CELF2: variants seen among roughly 807,000 people sequenced by gnomAD.
The protein encoded by CELF2 is CUG triplet repeat RNA-binding protein 2.
CELF2 carries 8 observed loss-of-function variants against 62.6 expected under a neutral mutation model. The observed-to-expected ratio is 0.13, with a 90% CI of 0.07 to 0.23. The LOEUF is 0.23. Among genes scored for constraint, CELF2 ranks in the 10% least tolerant of loss-of-function variants. CELF2 has a pLI of 1.00. For missense variants in CELF2, 333 were observed against 671.0 expected (o/e 0.50, Z 5.56); for synonymous variants, 258 against 250.0 (o/e 1.03, Z -0.30).
chr10:10,959,562 C>T (rs545305534), intron 2 of CELF2, among the ~76,000 whole-genome samples: 14 of 152,286 alleles, frequency 9.2e-5, no homozygotes, highest in Admixed American at 4.6e-4. Flanking sequence ...GTGACTTGTC[C>T]ACCATGGAAA....
chr10:11,021,459 A>G (rs1407517055), intron 1 of CELF2, among the ~76,000 whole-genome samples: 1 of 152,216 alleles, frequency 6.6e-6, no homozygotes, highest in Non-Finnish European at 1.5e-5. Context: ...GTTAAAGCTG[A>G]AAAGGGCTTT....
Position 11,260,872 on chromosome 10 carries a change from TCTTTCATGCTACCATTTTG to T in CELF2, c.538+3008_538+3026del, listed in dbSNP as rs1158997119. Among the ~76,000 whole-genome samples the T allele has an allele frequency of 6.6e-6, 1 of 152,228 alleles. No individual in the cohort carries two copies. The highest frequency in any genetic ancestry group is 1.9e-4 in the East Asian group (1 of 5,204). On this transcript the variant is annotated intron_variant, in intron 5 of 12. Transcript: ENST00000633077. This position sits in a 1 kb window ranked among gnomAD's most constrained non-coding sequence, Gnocchi z 4.2. Reference sequence around the variant, plus strand: ...AGTGTATTTGTTAAAAGCACAATTCTCTTTCATGCTACCATTTTGCTTTCATTAAAGAATTGCAGTTTTG... The same window carrying T: ...AGTGTATTTGTTAAAAGCACAATTCTCTTTCATTAAAGAATTGCAGTTTTG...
At chr10:10,651,386 G>C in the CELF2 span, among the ~76,000 whole-genome samples, 4 of 147,394 alleles carry the variant, frequency 2.7e-5, no homozygotes, top group Admixed American at 1.4e-4. Flanking sequence ...AAGGAGGCCT[G>C]CCTGCCTCTG....
At chr10:10,807,747 A>G (rs1019174198) in intron 1 of CELF2, among the ~76,000 whole-genome samples, 1 of 152,240 alleles carries the variant, frequency 6.6e-6, no homozygotes, top group Non-Finnish European at 1.5e-5. Context: ...ATAAAACATA[A>G]TAATCATTCC....
chr10:11,077,540 G>A (rs1439783844), intron 1 of CELF2, among the ~76,000 whole-genome samples: 1 of 152,178 alleles, frequency 6.6e-6, no homozygotes, highest in African/African-American at 2.4e-5. Context: ...AGCCTTGAAT[G>A]TGTATGCTTT....
At chr10:11,061,350 AG>A (rs2066679978) in intron 1 of CELF2, among the ~76,000 whole-genome samples, 1 of 152,234 alleles carries the variant, frequency 6.6e-6, no homozygotes. Flanking sequence ...GAGAGAGGTG[AG>A]GAAGCTGCAG....
intron 1 of CELF2, among the ~76,000 whole-genome samples, chr10:10,888,921 G>A (rs996074706): frequency 2.6e-5 from 4 of 152,154 alleles, no homozygotes; most frequent in Non-Finnish European, 5.9e-5. Context: ...CGGGGACCAT[G>A]TCACTCTTAT....
chr10:11,021,371 G>C (rs968013749), intron 1 of CELF2, among the ~76,000 whole-genome samples: 2 of 152,130 alleles, frequency 1.3e-5, no homozygotes, highest in African/African-American at 4.8e-5. Context: ...TTTTTGTTAA[G>C]TCCTTTCAAG....
At chr10:10,711,358 G>C in the CELF2 span, among the ~76,000 whole-genome samples, 1 of 152,148 alleles carries the variant, frequency 6.6e-6, no homozygotes, top group African/African-American at 2.4e-5. Context: ...TTTCTTATGG[G>C]TTTTGTTTCT....
chr10:11,179,266 G>A (rs1028949387), intron 2 of CELF2, among the ~76,000 whole-genome samples: 6 of 143,644 alleles, frequency 4.2e-5, no homozygotes, highest in Admixed American at 3.0e-4. Flanking sequence ...AAATAGGCAC[G>A]TAATACTGTA....
chr10:10,753,271 C>T, the CELF2 span, among the ~76,000 whole-genome samples: 1 of 149,866 alleles, frequency 6.7e-6, no homozygotes, highest in Non-Finnish European at 1.5e-5. Flanking sequence ...AACTTTTTCT[C>T]TAAAAATGAA....
upstream of CELF2, among the ~76,000 whole-genome samples, chr10:11,014,577 T>G (rs955523989): frequency 2.0e-5 from 3 of 152,168 alleles, no homozygotes; most frequent in Admixed American, 2.0e-4. Flanking sequence ...TCAAGCAGTT[T>G]GTACTCTGCG....
chr10:10,870,655 A>G (rs547389442), intron 1 of CELF2, among the ~76,000 whole-genome samples: 1 of 152,294 alleles, frequency 6.6e-6, no homozygotes, highest in Admixed American at 6.5e-5. Flanking sequence ...CAATTAGTAA[A>G]TTCTCTGGTT....
At position 11,329,128 on chromosome 10, in the gene CELF2, G is replaced by A. The variant is rs2095911135; in HGVS notation, c.*75G>A. On this transcript the variant is annotated 3_prime_UTR_variant, in exon 13 of 13. Transcript: ENST00000633077. This position sits in a 1 kb window ranked among gnomAD's most constrained non-coding sequence, Gnocchi z 5.5. The stretch of plus-strand genomic sequence containing the variant: ...TCCCACGAGCCAGCCTGTCTCAACA[G>A]GGAAGGCAGAGGAGGACCACATTGC... 3 of 1,482,558 alleles carry A rather than the reference G, an allele frequency of 2.0e-6. No individual in the cohort carries two copies. Among genetic ancestry groups the A allele is most frequent in the Non-Finnish European group, 2.7e-6 (3 of 1,100,350 alleles). The allele number at this position is 1,482,558 out of a possible 1,614,324, so 91.8% of individuals were successfully genotyped here.
chr10:10,781,634 C>T, the CELF2 span, among the ~76,000 whole-genome samples: 2 of 152,210 alleles, frequency 1.3e-5, no homozygotes, highest in Admixed American at 1.3e-4. Context: ...CCTCCCATGA[C>T]ACATGGGGAT....
intron 1 of CELF2, among the ~76,000 whole-genome samples, chr10:10,898,548 A>C (rs2062722127): frequency 6.6e-6 from 1 of 152,242 alleles, no homozygotes; most frequent in Non-Finnish European, 1.5e-5. Context: ...TAATCATAAA[A>C]TGGTCAGTTT....
chr10:11,289,927 C>T (rs2092238096), intron 9 of CELF2, among the ~76,000 whole-genome samples: 1 of 152,146 alleles, frequency 6.6e-6, no homozygotes, highest in Non-Finnish European at 1.5e-5. Context: ...TTAGATTTCA[C>T]AAATCAGATT....
chr10:10,827,121 G>T (rs1330359916), intron 1 of CELF2, among the ~76,000 whole-genome samples: 3 of 152,184 alleles, frequency 2.0e-5, no homozygotes, highest in East Asian at 3.9e-4. Flanking sequence ...TTGTTTGTTT[G>T]TTTGTTTTGC....
the CELF2 span, among the ~76,000 whole-genome samples, chr10:10,766,949 C>T: frequency 6.6e-6 from 1 of 152,174 alleles, no homozygotes; most frequent in Non-Finnish European, 1.5e-5. Context: ...TTTCTCACTG[C>T]CAACGGTCCA....
Sources: gnomAD v4.1 joint callset for allele counts (sites outside exome capture counted in the v4.1 genomes callset) on GRCh38, gnomAD v4.1.1 for gene constraint, Gnocchi (gnomAD v3.1) non-coding constraint, MANE v1.5 for transcripts, NCBI Gene and HGNC (gene_info 2026-07-23, HGNC 2026-07-21) for gene names.